CANX: variants seen among roughly 807,000 people sequenced by gnomAD.
CANX encodes epididymis secretory sperm binding protein.
CANX carries 14 observed loss-of-function variants against 75.7 expected under a neutral mutation model. The ratio of observed to expected loss-of-function variants is 0.19; its 90% CI spans 0.12 to 0.29. The LOEUF (loss-of-function observed/expected upper bound fraction) is 0.29. Ranked by LOEUF, CANX falls within the 10% of genes least tolerant of loss-of-function variation. CANX has a pLI of 1.00. For missense variants in CANX, 567 were observed against 713.2 expected (o/e 0.79, Z 2.34); for synonymous variants, 227 against 236.9 (o/e 0.96, Z 0.38).
intron 13 of CANX, among the ~76,000 whole-genome samples, chr5:179,726,306 C>T (rs1414221585): frequency 1.5e-5 from 2 of 134,004 alleles, no homozygotes; most frequent in African/African-American, 2.8e-5. Flanking sequence ...TGGCCGGGCG[C>T]GATGGCTCAC....
At chr5:179,706,875 TTTGA>T (rs376477360) in intron 3 of CANX, among the ~76,000 whole-genome samples, 24 of 152,224 alleles carry the variant, frequency 1.6e-4, no homozygotes, top group African/African-American at 5.3e-4. Flanking sequence ...TATTTTGTTC[TTTGA>T]TTGAGGAAAA....
At chr5:179,720,804 G>T (rs939638826) in intron 10 of CANX, among the ~76,000 whole-genome samples, 2 of 150,802 alleles carry the variant, frequency 1.3e-5, no homozygotes. Context: ...TTATTTTTGA[G>T]ATGGAGTTTC....
At chr5:179,712,817 G>A (rs1252016448) in intron 7 of CANX, among the ~76,000 whole-genome samples, 2 of 151,580 alleles carry the variant, frequency 1.3e-5, no homozygotes, top group East Asian at 1.9e-4. Flanking sequence ...TCTGCCTCCC[G>A]GGTTCAAGCG....
chr5:179,686,011 T>A (rs961265671), intron 1 of CANX, among the ~76,000 whole-genome samples: 5 of 151,864 alleles, frequency 3.3e-5, no homozygotes, highest in Non-Finnish European at 5.9e-5. Context: ...TAAATTGAGG[T>A]TTTAATTTGC....
At chr5:179,678,679 C>G (rs369839116) in exon 1 of CANX, 9 of 1,535,880 alleles carry the variant, frequency 5.9e-6, no homozygotes, top group Non-Finnish European at 7.9e-6. Context: ...GCGCCGCAGC[C>G]GTCGGGATCA....
At chr5:179,688,674 A>G (rs1007132931) in intron 1 of CANX, among the ~76,000 whole-genome samples, 3 of 150,388 alleles carry the variant, frequency 2.0e-5, no homozygotes, top group South Asian at 2.1e-4. Context: ...CCTAAGGTCA[A>G]TTTTCATTAG....
At chr5:179,727,069 C>T (rs1778716046) in intron 14 of CANX, among the ~76,000 whole-genome samples, 1 of 152,240 alleles carries the variant, frequency 6.6e-6, no homozygotes, top group African/African-American at 2.4e-5. Context: ...TGCCTCTCCT[C>T]ACTGTGCCCT....
intron 13 of CANX, among the ~76,000 whole-genome samples, chr5:179,725,537 G>C (rs974786851): frequency 1.3e-5 from 2 of 150,462 alleles, no homozygotes; most frequent in African/African-American, 2.4e-5. Context: ...AAAATTAGCC[G>C]GGCATGGTGG....
intron 7 of CANX, among the ~76,000 whole-genome samples, chr5:179,712,585 ATT>A (rs755031455): frequency 2.0e-4 from 26 of 133,244 alleles, no homozygotes; most frequent in East Asian, 2.1e-4. Flanking sequence ...CGCCTGGCTA[ATT>A]TTTTTTTTTT....
chr5:179,685,488 T>G (rs1043596238), intron 1 of CANX, among the ~76,000 whole-genome samples: 3 of 151,262 alleles, frequency 2.0e-5, no homozygotes, highest in Admixed American at 6.6e-5. Context: ...CCTCAGGTGA[T>G]CTGCCCACCT....
intron 10 of CANX, 113 bp from the exon 11 acceptor site, chr5:179,722,691 T>G: frequency 1.5e-6 from 1 of 653,712 alleles, no homozygotes; most frequent in Non-Finnish European, 2.7e-6. Context: ...TCAAGTTTCA[T>G]GAAGTTGGCA....
intron 8 of CANX, among the ~76,000 whole-genome samples, chr5:179,718,838 A>AT (rs1037432150): frequency 6.6e-6 from 1 of 150,944 alleles, no homozygotes; most frequent in Non-Finnish European, 1.5e-5. Flanking sequence ...TAATTTTTGT[A>AT]TTTTTTGGTA....
At chr5:179,692,163 C>T (rs1167316036) in intron 1 of CANX, among the ~76,000 whole-genome samples, 1 of 151,704 alleles carries the variant, frequency 6.6e-6, no homozygotes, top group Non-Finnish European at 1.5e-5. Flanking sequence ...CAACCTCCGC[C>T]TCCTGGGTTC....
intron 1 of CANX, among the ~76,000 whole-genome samples, chr5:179,681,984 T>C (rs1776076036): frequency 6.7e-6 from 1 of 148,500 alleles, no homozygotes; most frequent in South Asian, 2.1e-4. Flanking sequence ...GCGCGATGTT[T>C]CATGCCTGTA....
chr5:179,679,044 G>A (rs1775979419), intron 1 of CANX: 1 of 1,534,566 alleles, frequency 6.5e-7, no homozygotes, highest in Non-Finnish European at 8.7e-7. Context: ...GGCCGCCGTG[G>A]CGAGAAGGGC....
At chr5:179,695,112 C>T (rs980011218), upstream of CANX, among the ~76,000 whole-genome samples, 6 of 152,102 alleles carry the variant, frequency 3.9e-5, no homozygotes, top group South Asian at 2.1e-4. Context: ...TGCAGTGGCG[C>T]GATCTCAGCT....
intron 8 of CANX, among the ~76,000 whole-genome samples, chr5:179,716,801 G>A (rs1777985440): frequency 1.3e-5 from 2 of 152,170 alleles, no homozygotes; most frequent in African/African-American, 4.8e-5. Context: ...TTCATGAGAA[G>A]GTGCCACAGG....
At chr5:179,693,608 G>A (rs972886681), upstream of CANX, among the ~76,000 whole-genome samples, 8 of 151,910 alleles carry the variant, frequency 5.3e-5, no homozygotes, top group African/African-American at 1.7e-4. Context: ...GGGAGGTAGA[G>A]GTTGCAGTGA....
intron 1 of CANX, among the ~76,000 whole-genome samples, chr5:179,681,943 TTA>T (rs1491450846): frequency 2.2e-4 from 27 of 121,972 alleles, no homozygotes; most frequent in African/African-American, 7.1e-4. Context: ...GACCCTGTGT[TTA>T]AAAAAAAAAA....
Sources: gnomAD v4.1 joint callset for allele counts (sites outside exome capture counted in the v4.1 genomes callset) on GRCh38, gnomAD v4.1.1 for gene constraint, MANE v1.5 for transcripts, NCBI Gene and HGNC (gene_info 2026-07-23, HGNC 2026-07-21) for gene names.